GRIK1: variants seen among roughly 807,000 people sequenced by gnomAD.
GRIK1 encodes glutamate receptor ionotropic, kainate 1.
GRIK1 carries 69 observed loss-of-function variants against 105.7 expected under a neutral mutation model. The observed-to-expected ratio is 0.65, with a 90% confidence interval of 0.54 to 0.80. The LOEUF (loss-of-function observed/expected upper bound fraction) is 0.80, where lower values mean the gene tolerates loss of function less well. GRIK1 is among the 30% of genes least tolerant of loss of function. The pLI is 0.00. For missense variants in GRIK1, 1,109 were observed against 1,167.3 expected, an observed-to-expected ratio of 0.95 and a Z score of 0.73; for synonymous variants, 438 against 431.3, an observed-to-expected ratio of 1.02 and a Z score of -0.19.
At chr21:29,667,086 T>C (rs1020116172) in intron 4 of GRIK1, among the ~76,000 whole-genome samples, 42 of 152,272 alleles carry the variant, frequency 2.8e-4, no homozygotes, top group African/African-American at 9.9e-4. Context: ...GTCTTCGGCC[T>C]TTTCTATGTA....
At chr21:29,582,486 A>G (rs1398701278) in intron 12 of GRIK1, 2 of 277,220 alleles carry the variant, frequency 7.2e-6, no homozygotes, top group South Asian at 3.7e-5. Flanking sequence ...CTCAACCTCT[A>G]TTGCCTCAAT....
chr21:29,675,951 A>G (rs564725730), intron 3 of GRIK1, among the ~76,000 whole-genome samples: 82 of 152,304 alleles, frequency 5.4e-4, no homozygotes, highest in Non-Finnish European at 7.6e-4. Flanking sequence ...CTAATTAACT[A>G]TATTAATACA....
At chr21:29,583,106 A>G (rs1289973137) in intron 12 of GRIK1, among the ~76,000 whole-genome samples, 2 of 152,192 alleles carry the variant, frequency 1.3e-5, no homozygotes, top group African/African-American at 2.4e-5. Flanking sequence ...AGTTTATGCC[A>G]GCATAATGGA....
intron 4 of GRIK1, among the ~76,000 whole-genome samples, chr21:29,663,013 G>T (rs1406398184): frequency 6.6e-6 from 1 of 152,132 alleles, no homozygotes; most frequent in African/African-American, 2.4e-5. Flanking sequence ...TATTCACAGC[G>T]ACTGCTTGCT....
At chr21:29,650,970 A>G in intron 6 of GRIK1, 148 bp downstream of exon 6, 2 of 569,842 alleles carry the variant, frequency 3.5e-6, no homozygotes, top group Non-Finnish European at 5.9e-6. Flanking sequence ...AGCCTTTCAA[A>G]TTACCTAAAA....
intron 1 of GRIK1, among the ~76,000 whole-genome samples, chr21:29,847,919 T>C (rs996173566): frequency 6.6e-6 from 1 of 151,740 alleles, no homozygotes; most frequent in African/African-American, 2.4e-5. Context: ...TCTCTCCCTC[T>C]CTCTCTCTCT....
chr21:29,791,996 C>T (rs79585382), intron 1 of GRIK1, among the ~76,000 whole-genome samples: 279 of 151,902 alleles, frequency 1.8e-3, no homozygotes, highest in Admixed American at 2.7e-3. Flanking sequence ...AATTTTTGTA[C>T]GTTAGAATTT....
chr21:29,893,531 T>A (rs1022369570), intron 1 of GRIK1, among the ~76,000 whole-genome samples: 2 of 152,348 alleles, frequency 1.3e-5, no homozygotes, highest in Admixed American at 6.5e-5. Context: ...GTATAATCTA[T>A]ATTTATATAG....
chr21:29,705,873 CTT>C (rs1325677911), intron 1 of GRIK1, among the ~76,000 whole-genome samples: 22 of 135,668 alleles, frequency 1.6e-4, no homozygotes, highest in Admixed American at 3.0e-4. Flanking sequence ...CTTTTCTTTT[CTT>C]TTTTTTTTTT....
At chr21:29,722,610 C>CTTTTA (rs1401504110) in intron 1 of GRIK1, among the ~76,000 whole-genome samples, 1 of 149,038 alleles carries the variant, frequency 6.7e-6, no homozygotes, top group African/African-American at 2.5e-5. Context: ...CAAACTAATA[C>CTTTTA]TTTTATTTTC....
chr21:29,870,860 C>T (rs1341064642), intron 1 of GRIK1, among the ~76,000 whole-genome samples: 4 of 151,920 alleles, frequency 2.6e-5, no homozygotes, highest in South Asian at 2.1e-4. Context: ...AATGGGCTCA[C>T]GGTTAAATGC....
intron 1 of GRIK1, among the ~76,000 whole-genome samples, chr21:29,716,420 C>T (rs2064178757): frequency 6.6e-6 from 1 of 152,096 alleles, no homozygotes; most frequent in Admixed American, 6.5e-5. Flanking sequence ...TTCCTAGAGA[C>T]TTAGAGGGCT....
At chr21:29,790,653 A>C (rs573499213) in intron 1 of GRIK1, among the ~76,000 whole-genome samples, 1 of 151,774 alleles carries the variant, frequency 6.6e-6, no homozygotes, top group South Asian at 2.1e-4. Context: ...AGGTCTCACT[A>C]TGTCAGTCAG....
rs201553333 is a variant in GRIK1 at position 29,684,197 on chromosome 21, ATTAC to A, written c.544+5527_544+5530del. 2.6e-5 allele frequency among the ~76,000 whole-genome samples: 4 copies of A among 152,318 alleles called. No individual in the cohort carries two copies. The East Asian group carries it at 7.7e-4, about 29-fold the overall frequency. ...ATATTTTTGTGTGTGGTTTATCCCC[ATTAC>A]TTAGGATAATGTCTGGCAGTAAATG... On this transcript the variant is annotated intron_variant, in intron 3 of 17. Transcript: ENST00000327783.
At chr21:29,712,307 A>T (rs999655075) in intron 1 of GRIK1, among the ~76,000 whole-genome samples, 7 of 152,058 alleles carry the variant, frequency 4.6e-5, no homozygotes, top group Non-Finnish European at 4.4e-5. Flanking sequence ...TTCATTTCCA[A>T]TTTTTTGCTA....
chr21:29,856,080 T>C (rs2068454651), intron 1 of GRIK1, among the ~76,000 whole-genome samples: 1 of 152,200 alleles, frequency 6.6e-6, no homozygotes, highest in Non-Finnish European at 1.5e-5. Context: ...AATATATGTC[T>C]AGATTTCTGG....
At chr21:29,843,576 A>G (rs1459599210) in intron 1 of GRIK1, among the ~76,000 whole-genome samples, 1 of 152,122 alleles carries the variant, frequency 6.6e-6, no homozygotes, top group Non-Finnish European at 1.5e-5. Context: ...TTCTTAGGTG[A>G]AGGAGATGTG....
chr21:29,604,224 C>T (rs1186962667), intron 7 of GRIK1, among the ~76,000 whole-genome samples: 2 of 152,152 alleles, frequency 1.3e-5, no homozygotes, highest in Non-Finnish European at 2.9e-5. Flanking sequence ...TTCTCCTGCT[C>T]ATCCAAGTGG....
intron 1 of GRIK1, among the ~76,000 whole-genome samples, chr21:29,699,432 G>A (rs1447766303): frequency 6.6e-6 from 1 of 152,112 alleles, no homozygotes; most frequent in Non-Finnish European, 1.5e-5. Context: ...AAGGCCATGT[G>A]AGGGCCAAGC....
Sources: allele counts gnomAD v4.1 joint callset (sites outside exome capture counted in the v4.1 genomes callset), GRCh38; gene constraint gnomAD v4.1.1; transcripts MANE v1.5; gene names NCBI Gene and HGNC (gene_info 2026-07-23, HGNC 2026-07-21).